Variants in CAMTA1 observed in about 807,000 individuals in gnomAD.
CAMTA1 encodes calmodulin binding transcription activator 1, also known as calmodulin-binding transcription activator 1.
In CAMTA1, 27 loss-of-function variants were observed where a neutral mutation model predicts 170.9. The observed-to-expected ratio is 0.16, with a 90% CI of 0.12 to 0.22. The LOEUF is 0.22. CAMTA1 is among the 10% of genes least tolerant of loss of function. The pLI is 1.00. For synonymous variants in CAMTA1, 833 were observed against 891.5 expected, an observed-to-expected ratio of 0.93 and a Z score of 1.17; for missense variants, 1,619 against 2,217.2, an observed-to-expected ratio of 0.73 and a Z score of 5.42.
chr1:6,831,159 G>A (rs1292811617), intron 3 of CAMTA1, among the ~76,000 whole-genome samples: 5 of 152,066 alleles, frequency 3.3e-5, no homozygotes, highest in African/African-American at 1.2e-4. Context: ...TGTGGACTAT[G>A]GATAGTGAAA....
At chr1:6,998,531 G>C (rs1479550270) in intron 3 of CAMTA1, among the ~76,000 whole-genome samples, 2 of 152,134 alleles carry the variant, frequency 1.3e-5, no homozygotes, top group African/African-American at 2.4e-5. Flanking sequence ...AGACTCCCAA[G>C]CCTGTCCCCA....
At chr1:7,675,375 G>A (rs2096107380) in intron 10 of CAMTA1, among the ~76,000 whole-genome samples, 3 of 152,184 alleles carry the variant, frequency 2.0e-5, no homozygotes, top group Admixed American at 1.3e-4. Context: ...ACTTGCAATG[G>A]GAGGCTGTTA....
chr1:7,611,675 A>G lies in CAMTA1; in HGVS notation c.511-28725A>G, dbSNP rs192676147. ...GCAGGAGGCTCTCTCCAGCCTTACT[A>G]TCAGACCCTTACTGTACCTCCCAGG... On this transcript the variant is annotated intron_variant, in intron 6 of 22. Transcript: ENST00000303635. Among the ~76,000 whole-genome samples, 1,212 of 152,324 alleles carry G rather than the reference A, an allele frequency of 8.0e-3. 8 individuals carry two copies. Among genetic ancestry groups the G allele is most frequent in the South Asian group, 0.027 (132 of 4,816 alleles).
intron 3 of CAMTA1, among the ~76,000 whole-genome samples, chr1:6,846,621 C>A (rs1237533519): frequency 6.6e-6 from 1 of 151,976 alleles, no homozygotes; most frequent in East Asian, 1.9e-4. Flanking sequence ...AAAAGGAGTC[C>A]CAAAACACAG....
At chr1:7,309,286 AATTTTTTTTTTTTTTT>A (rs1676071923) in intron 5 of CAMTA1, among the ~76,000 whole-genome samples, 1 of 142,968 alleles carries the variant, frequency 7.0e-6, no homozygotes, top group African/African-American at 2.6e-5. Flanking sequence ...GCAGTTAGAA[AATTTTTTTTTTTTTTT>A]TTTTTTTTTT....
At chr1:6,987,002 G>A (rs189081505) in intron 3 of CAMTA1, among the ~76,000 whole-genome samples, 9 of 151,544 alleles carry the variant, frequency 5.9e-5, no homozygotes, top group African/African-American at 1.5e-4. Context: ...CAGCCCCTCC[G>A]CCCCCACTTC....
intron 3 of CAMTA1, among the ~76,000 whole-genome samples, chr1:6,945,207 C>T (rs542635218): frequency 6.6e-6 from 1 of 152,138 alleles, no homozygotes; most frequent in Non-Finnish European, 1.5e-5. Flanking sequence ...ATATAGCTTA[C>T]AATTCACCCA....
chr1:7,733,216 G>GA (rs1195080064), intron 12 of CAMTA1, among the ~76,000 whole-genome samples: 12 of 148,494 alleles, frequency 8.1e-5, no homozygotes, highest in East Asian at 7.9e-4. Context: ...AGAAGAAGAA[G>GA]AAAAAAAAAG....
intron 6 of CAMTA1, among the ~76,000 whole-genome samples, chr1:7,545,025 GCA>G (rs1411965135): frequency 6.6e-6 from 1 of 152,094 alleles, no homozygotes; most frequent in African/African-American, 2.4e-5. Flanking sequence ...ATGGGTTTCG[GCA>G]GTGACAAACC....
At chr1:7,717,540 G>A (rs2096619922) in intron 11 of CAMTA1, among the ~76,000 whole-genome samples, 1 of 152,012 alleles carries the variant, frequency 6.6e-6, no homozygotes, top group South Asian at 2.1e-4. Context: ...GAGCCCAGGA[G>A]TTTGAGATTA....
At chr1:6,801,440 T>C (rs1468873944) in intron 1 of CAMTA1, among the ~76,000 whole-genome samples, 1 of 152,160 alleles carries the variant, frequency 6.6e-6, no homozygotes, top group Non-Finnish European at 1.5e-5. Context: ...TTTGCTACCT[T>C]CGTCACTGTC....
At position 7,215,454 on chromosome 1, in the gene CAMTA1, C is replaced by T. The variant is rs182104768; in HGVS notation, c.303-34037C>T. Among the ~76,000 whole-genome samples the T allele has an allele frequency of 8.4e-3, 1,276 of 152,340 alleles. 16 individuals carry two copies. Among genetic ancestry groups the T allele is most frequent in the Admixed American group, 0.039 (600 of 15,308 alleles). ...TGTCGCCCAGGCTGGAGCGCAGTGG[C>T]GCGATCTCAGCCCACTGCAACCTCC... On this transcript the variant is annotated intron_variant, in intron 4 of 22. Transcript: ENST00000303635.
At chr1:7,757,923 A>G (rs2150239522) in intron 22 of CAMTA1, among the ~76,000 whole-genome samples, 1 of 152,294 alleles carries the variant, frequency 6.6e-6, no homozygotes, top group African/African-American at 2.4e-5. Context: ...CAATTAAAAT[A>G]TTTCAGGTCC....
intron 6 of CAMTA1, among the ~76,000 whole-genome samples, chr1:7,480,772 A>G (rs1199127270): frequency 6.6e-6 from 1 of 151,958 alleles, no homozygotes; most frequent in African/African-American, 2.4e-5. Flanking sequence ...TTCTCCTGGG[A>G]TCATCTCATC....
chr1:6,811,083 G>A (rs1645112266), intron 1 of CAMTA1, among the ~76,000 whole-genome samples: 1 of 152,160 alleles, frequency 6.6e-6, no homozygotes, highest in Admixed American at 6.5e-5. Context: ...TCTCCTGTTA[G>A]ACAAATGAAC....
At chr1:7,061,022 G>A (rs1286227843) in intron 3 of CAMTA1, among the ~76,000 whole-genome samples, 3 of 151,968 alleles carry the variant, frequency 2.0e-5, no homozygotes, top group African/African-American at 7.3e-5. Flanking sequence ...TTATTTTCAG[G>A]TCAGAGCTTC....
chr1:7,148,674 T>C (rs563243164), intron 4 of CAMTA1, among the ~76,000 whole-genome samples: 30 of 152,276 alleles, frequency 2.0e-4, no homozygotes, highest in African/African-American at 7.0e-4. Flanking sequence ...CAGTGTGCCC[T>C]TCCTTTGGCT....
chr1:7,503,416 G>A (rs1019691716), intron 6 of CAMTA1, among the ~76,000 whole-genome samples: 5 of 152,194 alleles, frequency 3.3e-5, no homozygotes, highest in Non-Finnish European at 7.3e-5. Flanking sequence ...GGGTCCTGGG[G>A]TAATACAGCC....
chr1:7,165,279 T>C (rs186418861), intron 4 of CAMTA1, among the ~76,000 whole-genome samples: 1 of 152,328 alleles, frequency 6.6e-6, no homozygotes, highest in East Asian at 1.9e-4. Context: ...TACAGCTGTT[T>C]ACCCACCACT....
Sources: allele counts gnomAD v4.1 joint callset (sites outside exome capture counted in the v4.1 genomes callset), GRCh38; gene constraint gnomAD v4.1.1; transcripts MANE v1.5; gene names NCBI Gene and HGNC (gene_info 2026-07-23, HGNC 2026-07-21).